Variants in DNAJA2 observed in about 807,000 individuals in gnomAD.
DNAJA2 encodes the protein DnaJ heat shock protein family (Hsp40) member A2.
A neutral mutation model predicts 49.3 loss-of-function variants in DNAJA2; 6 were observed. That is an observed-to-expected ratio of 0.12 (90% CI 0.07 to 0.24). The LOEUF (loss-of-function observed/expected upper bound fraction) is 0.24, where lower values mean the gene tolerates loss of function less well. Among genes scored for constraint, DNAJA2 ranks in the 10% least tolerant of loss-of-function variants. The pLI is 1.00. For missense variants in DNAJA2, 347 were observed against 516.8 expected, an observed-to-expected ratio of 0.67 and a Z score of 3.19; for synonymous variants, 160 against 172.7, an observed-to-expected ratio of 0.93 and a Z score of 0.58.
chr16:46,967,287 A>T (rs1961985773), intron 5 of DNAJA2, among the ~76,000 whole-genome samples: 1 of 152,054 alleles, frequency 6.6e-6, no homozygotes, highest in Non-Finnish European at 1.5e-5. Flanking sequence ...TATAGTAATG[A>T]GGTCTCCCTA....
intron 1 of DNAJA2, 32 bp downstream of exon 1, chr16:46,973,463 C>T (rs758760989): frequency 6.4e-7 from 1 of 1,569,986 alleles, no homozygotes; most frequent in Non-Finnish European, 8.6e-7. Context: ...GGCCCCGCGC[C>T]CCTCACACCC....
chr16:46,973,621 G>C lies in DNAJA2; in HGVS notation c.-49C>G. On this transcript the variant is annotated 5_prime_UTR_variant, in exon 1 of 9. Coordinates refer to ENST00000317089, the MANE Select transcript of DNAJA2 (RefSeq NM_005880.4). ...GGGAGAAGGTGGCGAAGCAGACAGAGCGGAGTCGGGCCCACAAGCGGCGTC... is the reference window on the plus strand; with the variant it reads ...GGGAGAAGGTGGCGAAGCAGACAGACCGGAGTCGGGCCCACAAGCGGCGTC... 4 of 1,566,706 alleles carry C rather than the reference G, an allele frequency of 2.6e-6. No homozygotes were observed. The highest frequency in any genetic ancestry group is 3.4e-6 in the Non-Finnish European group (4 of 1,161,248).
chr16:46,962,550 C>T (rs1290475903), intron 6 of DNAJA2, among the ~76,000 whole-genome samples: 2 of 152,182 alleles, frequency 1.3e-5, no homozygotes, highest in Non-Finnish European at 2.9e-5. Context: ...AACCTCCAAG[C>T]AGAATTTCCA....
chr16:46,960,821 G>A (rs1409888748), intron 6 of DNAJA2, among the ~76,000 whole-genome samples: 1 of 150,948 alleles, frequency 6.6e-6, no homozygotes, highest in African/African-American at 2.4e-5. Flanking sequence ...TAAATATAGG[G>A]TCAGAGCTTT....
chr16:46,961,447 G>A (rs1961894167), intron 6 of DNAJA2, among the ~76,000 whole-genome samples: 1 of 151,994 alleles, frequency 6.6e-6, no homozygotes, highest in Non-Finnish European at 1.5e-5. Flanking sequence ...CTAGCACTTT[G>A]GGAGGCCGAG....
chr16:46,971,519 C>G lies in DNAJA2; in HGVS notation c.192G>C (p.Glu64Asp). Reference protein sequence around the residue: ...YEVLSNPEKRELYDRYGEQGL... With the variant: ...YEVLSNPEKRDLYDRYGEQGL... ...CTTGCTCTCCGTATCTGTCATATAA[C>G]TCACGCTTCTCAGGATTTGATAGTA... Residue 64 changes from glutamate (E) to aspartate (D), a missense_variant, in exon 3 of 9, where the codon GAG becomes GAC. Coordinates refer to ENST00000317089, the MANE Select transcript of DNAJA2 (RefSeq NM_005880.4). 2 of 1,611,156 alleles carry G rather than the reference C, an allele frequency of 1.2e-6. No homozygotes were observed. Among genetic ancestry groups the G allele is most frequent in the African/African-American group, 2.7e-5 (2 of 74,890 alleles).
chr16:46,969,026 G>A (rs1962011484), intron 3 of DNAJA2, among the ~76,000 whole-genome samples: 2 of 152,154 alleles, frequency 1.3e-5, no homozygotes, highest in Admixed American at 1.3e-4. Context: ...CAGCCTGGGG[G>A]ACAGAGTGAG....
At chr16:46,973,437 C>T in intron 1 of DNAJA2, 58 bp downstream of exon 1, 1 of 1,499,806 alleles carries the variant, frequency 6.7e-7, no homozygotes, top group Non-Finnish European at 8.9e-7. Context: ...CTGAAGAAGA[C>T]ATCCCTGGCC....
chr16:46,973,424 T>C (rs1596660611), intron 1 of DNAJA2, 71 bp downstream of exon 1: 2 of 1,428,086 alleles, frequency 1.4e-6, no homozygotes, highest in East Asian at 2.9e-5. Context: ...TAGCGCGGCC[T>C]GGCTGAAGAA....
intron 6 of DNAJA2, among the ~76,000 whole-genome samples, chr16:46,963,399 TG>T (rs1961925808): frequency 6.6e-6 from 1 of 152,036 alleles, no homozygotes; most frequent in African/African-American, 2.4e-5. Context: ...CTGGGCACTG[TG>T]GCTCACACCT....
rs1460405490 is a variant in DNAJA2 at position 46,973,524 on chromosome 16, G to T, written c.49C>A (p.Pro17Thr). The change falls in exon 1 of 9, where the codon CCC becomes ACC. Residue 17 changes from proline to threonine, a missense_variant. Coordinates refer to ENST00000317089, the MANE Select transcript of DNAJA2 (RefSeq NM_005880.4). ...TKLYDILGVP[P>T]GASENELKKA... ...TTCAGCTCGTTCTCGCTGGCGCCGG[G>T]CGGGACGCCCAGGATGTCGTACAGC... 3 of 1,603,088 alleles carry T rather than the reference G, an allele frequency of 1.9e-6. No homozygotes were observed. Among genetic ancestry groups the T allele is most frequent in the Non-Finnish European group, 1.7e-6 (2 of 1,177,732 alleles).
intron 4 of DNAJA2, 136 bp from the exon 5 acceptor site, chr16:46,967,782 G>A: frequency 1.6e-6 from 2 of 1,254,244 alleles, no homozygotes; most frequent in Non-Finnish European, 2.2e-6. Context: ...AGAAGTATCA[G>A]AAAACATTCT....
chr16:46,960,880 TA>T (rs1961887009), intron 6 of DNAJA2, among the ~76,000 whole-genome samples: 1 of 151,804 alleles, frequency 6.6e-6, no homozygotes, highest in South Asian at 2.1e-4. Context: ...AATTAAAACA[TA>T]AACTAGGCTA....
At chr16:46,967,667 G>A (rs766109639) in intron 4 of DNAJA2, 21 bp from the exon 5 acceptor site, 37 of 1,613,984 alleles carry the variant, frequency 2.3e-5, no homozygotes, top group Non-Finnish European at 3.1e-5. Context: ...CACAAGTTAT[G>A]CATTAGGTTT....
At chr16:46,966,844 T>C (rs1188786265) in intron 5 of DNAJA2, among the ~76,000 whole-genome samples, 3 of 152,224 alleles carry the variant, frequency 2.0e-5, no homozygotes, top group Admixed American at 6.5e-5. Flanking sequence ...ATTTGATTAT[T>C]TGTCCCTTTG....
At chr16:46,959,164 C>T (rs1355175512) in intron 7 of DNAJA2, 34 bp from the exon 8 acceptor site, 5 of 1,578,566 alleles carry the variant, frequency 3.2e-6, no homozygotes, top group African/African-American at 1.4e-5. Context: ...AATAATTTTA[C>T]CCAAAAGAGG....
intron 1 of DNAJA2, 54 bp downstream of exon 1, chr16:46,973,441 C>T (rs1962086819): frequency 1.5e-5 from 23 of 1,520,902 alleles, no homozygotes; most frequent in South Asian, 2.4e-5. Context: ...AGAAGACATC[C>T]CTGGCCGCGC....
At position 46,956,084 on chromosome 16, in the gene DNAJA2, G is replaced by A. The variant is rs1462866196; in HGVS notation, c.*945C>T. On this transcript the variant is annotated 3_prime_UTR_variant, in exon 9 of 9. Transcript: ENST00000317089. ...TTTGAACACGTTCTATGCAGACATG[G>A]TTTTACTATAGATTTGCTGTTACCT... is the stretch of plus-strand genomic sequence containing the variant. 1 of 152,108 alleles carries A rather than the reference G, an allele frequency of 6.6e-6. No individual in the cohort carries two copies. The highest frequency in any genetic ancestry group is 6.6e-5 in the Admixed American group (1 of 15,262). 9.4% of individuals were successfully genotyped at this position (152,108 alleles called of 1,614,324 possible).
Position 46,956,989 on chromosome 16 carries a change from T to C in DNAJA2, c.*40A>G, listed in dbSNP as rs957045430. ...GATTGCTGAGAACAAATCAGGCAAATGTGGAAAGAAAATCCACCTGTGCAA... is the reference window on the plus strand; with the variant it reads ...GATTGCTGAGAACAAATCAGGCAAACGTGGAAAGAAAATCCACCTGTGCAA... On this transcript the variant is annotated 3_prime_UTR_variant, in exon 9 of 9. Coordinates refer to ENST00000317089, the MANE Select transcript of DNAJA2 (RefSeq NM_005880.4). 1.9e-6 allele frequency: 3 copies of C among 1,609,462 alleles called. No homozygotes were observed. Among genetic ancestry groups the C allele is most frequent in the Admixed American group, 3.3e-5 (2 of 60,008 alleles).
Sources: allele counts gnomAD v4.1 joint callset (sites outside exome capture counted in the v4.1 genomes callset), GRCh38; gene constraint gnomAD v4.1.1; transcripts MANE v1.5; gene names NCBI Gene and HGNC (gene_info 2026-07-23, HGNC 2026-07-21).